MTA1: variants seen among roughly 807,000 people sequenced by gnomAD.
The protein encoded by MTA1 is metastasis-associated protein MTA1.
A neutral mutation model predicts 97.0 loss-of-function variants in MTA1; 15 were observed. The observed-to-expected ratio is 0.15, with a 90% CI of 0.10 to 0.24. The LOEUF is 0.24. MTA1 is among the 10% of genes least tolerant of loss of function. The pLI is 1.00. For missense variants in MTA1, 709 were observed against 1,015.1 expected, an observed-to-expected ratio of 0.70 and a Z score of 4.10; for synonymous variants, 435 against 417.5, an observed-to-expected ratio of 1.04 and a Z score of -0.51.
chr14:105,456,811 C>T (rs1012664935), intron 7 of MTA1, among the ~76,000 whole-genome samples: 13 of 152,198 alleles, frequency 8.5e-5, no homozygotes, highest in African/African-American at 2.7e-4. Flanking sequence ...GAGTCCACAC[C>T]AGGCTGAAGA....
chr14:105,460,412 C>T lies in MTA1; in HGVS notation c.708C>T (p.Pro236=), dbSNP rs374191912. Residue 236 remains proline (P), a synonymous_variant, in exon 9 of 21, where the codon CCC becomes CCT. Coordinates refer to ENST00000331320, the MANE Select transcript of MTA1 (RefSeq NM_004689.4). ...ACTGCAGCAGCTCCGTCCGACAGCC[C>T]AGCCTGCACATGAGCGCCGCAGCTG... The part of the protein sequence containing the change: ...ALDCSSSVRQ[P]SLHMSAAAAS... 3.7e-6 allele frequency: 6 copies of T among 1,611,688 alleles called. No individual in the cohort carries two copies. In the African/African-American group the frequency reaches 6.7e-5, roughly 18 times the overall value.
Position 105,470,513 on chromosome 14 carries a change from G to T in MTA1, c.*298G>T. On this transcript the variant is annotated 3_prime_UTR_variant, in exon 21 of 21. Coordinates refer to ENST00000331320, the MANE Select transcript of MTA1 (RefSeq NM_004689.4). Reference sequence around the variant, plus strand: ...CTTTTGCCCGGAGGCCGGGCCCTAAGGTTTTGTTGTGTTCTGTTGAAGGTG... The same window carrying T: ...CTTTTGCCCGGAGGCCGGGCCCTAATGTTTTGTTGTGTTCTGTTGAAGGTG... 1 of 366,814 alleles carries T rather than the reference G, an allele frequency of 2.7e-6. No homozygotes were observed. Among genetic ancestry groups the T allele is most frequent in the Non-Finnish European group, 4.8e-6 (1 of 206,368 alleles). 22.7% of individuals were successfully genotyped at this position (366,814 alleles called of 1,614,324 possible).
intron 16 of MTA1, chr14:105,465,966 A>C: frequency 5.1e-6 from 1 of 194,292 alleles, no homozygotes; most frequent in Non-Finnish European, 1.1e-5. Context: ...TCCTGTGGGA[A>C]GAGGTGGCTG....
At chr14:105,460,256 C>T (rs902071871) in intron 8 of MTA1, 102 bp from the exon 9 acceptor site, 20 of 1,054,040 alleles carry the variant, frequency 1.9e-5, no homozygotes, top group East Asian at 8.0e-5. Flanking sequence ...TGGGGGAGTC[C>T]GTGCTGCCCG....
rs2082872119 is a variant in MTA1 at position 105,450,282 on chromosome 14, G to A, written c.390G>A (p.Leu130=). The part of the protein sequence containing the change: ...THIRGKCSVT[L]LNETESLKSY... ...CCAGGGGCAAGTGCAGCGTCACCCT[G>A]CTCAACGAGACCGAGTCGCTCAAGT... Residue 130 remains leucine, a synonymous_variant, in exon 6 of 21, where the codon CTG becomes CTA. Coordinates refer to ENST00000331320, the MANE Select transcript of MTA1 (RefSeq NM_004689.4). 3 of 1,608,322 alleles carry A rather than the reference G, an allele frequency of 1.9e-6. No homozygotes were observed. The highest frequency in any genetic ancestry group is 2.6e-6 in the Non-Finnish European group (3 of 1,175,966).
chr14:105,457,703 A>T (rs1400296392), intron 7 of MTA1, among the ~76,000 whole-genome samples: 1 of 152,222 alleles, frequency 6.6e-6, no homozygotes, highest in Non-Finnish European at 1.5e-5. Flanking sequence ...AGGCGGATGG[A>T]TCACCTGAGG....
chr14:105,445,888 CTCTT>C, intron 3 of MTA1: 1 of 355,704 alleles, frequency 2.8e-6, no homozygotes, highest in South Asian at 2.2e-5. Context: ...CAATGTCTCT[CTCTT>C]TTTAATTTTG....
At chr14:105,460,257 G>A (rs993764181) in intron 8 of MTA1, 101 bp from the exon 9 acceptor site, 45 of 1,068,500 alleles carry the variant, frequency 4.2e-5, no homozygotes, top group Admixed American at 5.2e-5. Context: ...GGGGGAGTCC[G>A]TGCTGCCCGT....
intron 1 of MTA1, among the ~76,000 whole-genome samples, chr14:105,421,083 C>A (rs587716240): frequency 6.6e-6 from 1 of 152,214 alleles, no homozygotes; most frequent in African/African-American, 2.4e-5. Context: ...GCCGTGTGGT[C>A]TGGCCGGCCA....
chr14:105,439,155 C>CT (rs5811176), intron 2 of MTA1, among the ~76,000 whole-genome samples: 7 of 131,336 alleles, frequency 5.3e-5, no homozygotes, highest in South Asian at 5.0e-4. Flanking sequence ...GAGCTCTGCC[C>CT]CCACCCCTGA....
In MTA1 at chr14:105,469,360, C is replaced by T. The variant is rs1159212101; in HGVS notation, c.1814-107C>T. ...TGGGTGTGGGCTGTGGCTTGGTTGG[C>T]AGATGGCCCCGGCCCATTGTCCCAA... On this transcript the variant is annotated intron_variant, in intron 18 of 20. Transcript: ENST00000331320. The T allele has an allele frequency of 1.0e-5, 13 of 1,268,002 alleles. No homozygotes were observed. The African/African-American group carries it at 1.8e-4, about 17-fold the overall frequency. The allele number at this position is 1,268,002 out of a possible 1,614,324, so 78.5% of individuals were successfully genotyped here. A position where few individuals can be genotyped will look rare whatever the true frequency, so the allele number is the denominator to read the frequency against.
At chr14:105,438,617 G>T in intron 1 of MTA1, 55 bp from the exon 2 acceptor site, 1 of 1,545,858 alleles carries the variant, frequency 6.5e-7, no homozygotes. Flanking sequence ...CGGGAGGTGG[G>T]ACTGGGTCTG....
chr14:105,469,354 G>C (rs1555433726), intron 18 of MTA1, 113 bp from the exon 19 acceptor site: 1 of 1,197,466 alleles, frequency 8.4e-7, no homozygotes, highest in African/African-American at 1.5e-5. Flanking sequence ...GCTGTGGCTT[G>C]GTTGGCAGAT....
In MTA1 at chr14:105,464,489, A is replaced by G; in HGVS notation, c.1266A>G (p.Thr422=). 3.1e-6 allele frequency: 5 copies of G among 1,613,552 alleles called. No individual in the cohort carries two copies. The highest frequency in any genetic ancestry group is 4.2e-6 in the Non-Finnish European group (5 of 1,179,954). Reference sequence around the variant, plus strand: ...GTCGTCTCTGCGCATCTTGTTGGACATATTGGAAGAAATATGGTGGCTTGA... The same window carrying G: ...GTCGTCTCTGCGCATCTTGTTGGACGTATTGGAAGAAATATGGTGGCTTGA... ...MQCRLCASCW[T]YWKKYGGLKM... The change falls in exon 14 of 21, where the codon ACA becomes ACG. Residue 422 remains threonine, a synonymous_variant. Coordinates refer to ENST00000331320, the MANE Select transcript of MTA1 (RefSeq NM_004689.4).
In MTA1 at chr14:105,420,263, G is replaced by C. The variant is rs1326300651; in HGVS notation, c.28+200G>C. On this transcript the variant is annotated intron_variant, in intron 1 of 20. Transcript: ENST00000331320. This position sits in a 1 kb window ranked among gnomAD's most constrained non-coding sequence, Gnocchi z 5.3. ...CCCGCGGGTCGGCCCCATCGGGGGC[G>C]GGCGGGGCTCGGCGGCCCGGGGGTG... Among the ~76,000 whole-genome samples, 4 of 149,072 alleles carry C rather than the reference G, an allele frequency of 2.7e-5. No homozygotes were observed. In the East Asian group the frequency reaches 5.9e-4, roughly 22 times the overall value.
chr14:105,469,713 T>TG, intron 19 of MTA1, 128 bp from the exon 20 acceptor site: 2 of 1,380,366 alleles, frequency 1.4e-6, no homozygotes, highest in Non-Finnish European at 9.8e-7. Flanking sequence ...TGGGCCAGGC[T>TG]GGGGGTCCGT....
chr14:105,463,600 A>AG lies in MTA1; in HGVS notation c.1076+52dup, dbSNP rs782262910. On this transcript the variant is annotated intron_variant, in intron 12 of 20. Transcript: ENST00000331320. This position sits in a 1 kb window ranked among gnomAD's most constrained non-coding sequence, Gnocchi z 5.9. ...GTCCTCGTGGCCCCGGGGGCCAGGG[A>AG]GGGTGGGCACAGGGTGCTGGGGCCA... is the stretch of plus-strand genomic sequence containing the variant. 2 of 1,574,798 alleles carry AG rather than the reference A, an allele frequency of 1.3e-6. No individual in the cohort carries two copies. The highest frequency in any genetic ancestry group is 2.7e-5 in the African/African-American group (2 of 74,054).
chr14:105,469,131 T>C, intron 18 of MTA1: 2 of 543,092 alleles, frequency 3.7e-6, no homozygotes, highest in South Asian at 1.5e-5. Flanking sequence ...CTGACAGCCT[T>C]GCGAGGCTTT....
At position 105,458,466 on chromosome 14, in the gene MTA1, G is replaced by A. The variant is rs587759998; in HGVS notation, c.653+94G>A. 62 of 1,121,614 alleles carry A rather than the reference G, an allele frequency of 5.5e-5. 1 individual carries two copies. The South Asian group carries it at 6.9e-4, about 12-fold the overall frequency. 69.5% of individuals were successfully genotyped at this position (1,121,614 alleles called of 1,614,324 possible). On this transcript the variant is annotated intron_variant, in intron 8 of 20. Coordinates refer to ENST00000331320, the MANE Select transcript of MTA1 (RefSeq NM_004689.4). ...TGGGTGTTGGGGACGTGACAGTCTT[G>A]GATCCCATATCCCAACAAGAAGCCC...
Sources: allele counts gnomAD v4.1 joint callset (sites outside exome capture counted in the v4.1 genomes callset), GRCh38; gene constraint gnomAD v4.1.1; non-coding constraint Gnocchi (gnomAD v3.1); transcripts MANE v1.5; gene names NCBI Gene and HGNC (gene_info 2026-07-23, HGNC 2026-07-21).